TENM2: variants seen among roughly 807,000 people sequenced by gnomAD.
The protein encoded by TENM2 is teneurin transmembrane protein 2, also known as teneurin-2.
Under a neutral mutation model 245.2 loss-of-function variants are expected in TENM2, and 52 were observed. The ratio of observed to expected loss-of-function variants is 0.21; its 90% CI spans 0.17 to 0.27. The LOEUF is 0.27. TENM2 is among the 10% of genes least tolerant of loss of function. The pLI, the probability that TENM2 is intolerant of heterozygous loss-of-function variation, is 1.00. For missense variants in TENM2, 3,046 were observed against 3,666.8 expected, an observed-to-expected ratio of 0.83 and a Z score of 4.37; for synonymous variants, 1,363 against 1,438.9, an observed-to-expected ratio of 0.95 and a Z score of 1.19.
chr5:167,916,773 C>A (rs1776982001), intron 3 of TENM2, among the ~76,000 whole-genome samples: 1 of 152,186 alleles, frequency 6.6e-6, no homozygotes, highest in South Asian at 2.1e-4. Context: ...TGGGAGGCCT[C>A]ACTTATTCTC....
intron 13 of TENM2, among the ~76,000 whole-genome samples, chr5:168,163,942 G>A (rs143631051): frequency 2.3e-4 from 35 of 152,254 alleles, no homozygotes; most frequent in African/African-American, 7.7e-4. Context: ...TCCAGCTAAG[G>A]TGTGGAGGTC....
chr5:167,024,944 C>A, the TENM2 span, among the ~76,000 whole-genome samples: 1 of 152,170 alleles, frequency 6.6e-6, no homozygotes, highest in East Asian at 1.9e-4. Context: ...TTTCTCACTA[C>A]ACATTAGAGT....
intron 2 of TENM2, among the ~76,000 whole-genome samples, chr5:167,850,803 G>A (rs1332394111): frequency 2.0e-5 from 3 of 152,138 alleles, no homozygotes; most frequent in Non-Finnish European, 4.4e-5. Flanking sequence ...AGTATCCAAG[G>A]GCTGGCTTCA....
intron 2 of TENM2, among the ~76,000 whole-genome samples, chr5:167,434,705 T>C (rs76584367): frequency 0.012 from 1,769 of 152,198 alleles, 35 homozygotes; most frequent in East Asian, 0.1. Context: ...ATGAAAACTT[T>C]AGAAGTATAT....
chr5:167,603,727 T>C (rs1193353469), intron 2 of TENM2, among the ~76,000 whole-genome samples: 3 of 152,074 alleles, frequency 2.0e-5, no homozygotes, highest in Admixed American at 1.3e-4. Flanking sequence ...TAGAATCAGT[T>C]TGAGGAATAG....
At chr5:167,454,452 CTG>C (rs5873036) in intron 2 of TENM2, among the ~76,000 whole-genome samples, 34,758 of 150,486 alleles carry the variant, frequency 0.23, 4,405 homozygotes, top group East Asian at 0.35. Flanking sequence ...CTAGAAATAA[CTG>C]TGTGTGTGTG....
intron 13 of TENM2, among the ~76,000 whole-genome samples, chr5:168,175,375 A>G (rs1015836730): frequency 6.6e-6 from 1 of 152,208 alleles, no homozygotes. Flanking sequence ...GGTCCCTGTT[A>G]TAATACATTT....
chr5:167,403,503 A>G (rs1255166111), intron 2 of TENM2, among the ~76,000 whole-genome samples: 1 of 152,120 alleles, frequency 6.6e-6, no homozygotes, highest in African/African-American at 2.4e-5. Context: ...TAGTTTTGTC[A>G]ATGCTTCGCA....
intron 13 of TENM2, among the ~76,000 whole-genome samples, chr5:168,166,949 AC>A (rs1481610091): frequency 6.6e-6 from 1 of 151,940 alleles, no homozygotes; most frequent in African/African-American, 2.4e-5. Context: ...TGTGACCGCC[AC>A]TCATGTAACC....
chr5:167,968,359 G>T (rs972561577), intron 4 of TENM2, among the ~76,000 whole-genome samples: 5 of 152,022 alleles, frequency 3.3e-5, no homozygotes, highest in African/African-American at 1.2e-4. Flanking sequence ...TAACTGTTTA[G>T]GAGTGAGGAA....
chr5:167,765,881 C>A (rs1762986568), intron 2 of TENM2, among the ~76,000 whole-genome samples: 1 of 152,144 alleles, frequency 6.6e-6, no homozygotes, highest in South Asian at 2.1e-4. Flanking sequence ...CTACATTTTT[C>A]TGTAAATCGC....
At chr5:167,848,367 G>A (rs894390005) in intron 2 of TENM2, among the ~76,000 whole-genome samples, 1 of 152,146 alleles carries the variant, frequency 6.6e-6, no homozygotes, top group African/African-American at 2.4e-5. Context: ...GTAAAGTGGA[G>A]AGTGCATATG....
intron 11 of TENM2, among the ~76,000 whole-genome samples, chr5:168,125,440 C>T (rs1402622207): frequency 4.6e-5 from 7 of 152,176 alleles, no homozygotes; most frequent in Admixed American, 3.9e-4. Context: ...ACATGTTCTA[C>T]AGCTCTGTAA....
At chr5:168,201,236 T>C (rs1761910911) in intron 17 of TENM2, among the ~76,000 whole-genome samples, 2 of 152,056 alleles carry the variant, frequency 1.3e-5, no homozygotes, top group African/African-American at 4.8e-5. Flanking sequence ...GAGTAACTAG[T>C]GTATTTAATA....
At chr5:167,785,425 C>T (rs1253472211) in intron 2 of TENM2, among the ~76,000 whole-genome samples, 1 of 152,124 alleles carries the variant, frequency 6.6e-6, no homozygotes, top group Non-Finnish European at 1.5e-5. Flanking sequence ...TCCAAGGCTC[C>T]CTGGATTCAG....
At chr5:167,520,365 A>G (rs1232551443) in intron 2 of TENM2, among the ~76,000 whole-genome samples, 5 of 152,150 alleles carry the variant, frequency 3.3e-5, no homozygotes, top group African/African-American at 4.8e-5. Context: ...ATCAAACCTG[A>G]CAAATGGTGT....
At chr5:167,270,232 A>T in the TENM2 span, among the ~76,000 whole-genome samples, 36 of 152,194 alleles carry the variant, frequency 2.4e-4, no homozygotes, top group African/African-American at 8.4e-4. Flanking sequence ...TCAGAAATAC[A>T]GCAACCTAAC....
chr5:168,074,800 G>A (rs577555412), intron 7 of TENM2, among the ~76,000 whole-genome samples: 4 of 152,162 alleles, frequency 2.6e-5, no homozygotes, highest in South Asian at 2.1e-4. Context: ...TCCCCCTGAC[G>A]TTTTTACTCC....
At chr5:167,765,069 C>A (rs1443841331) in intron 2 of TENM2, among the ~76,000 whole-genome samples, 1 of 152,142 alleles carries the variant, frequency 6.6e-6, no homozygotes, top group Non-Finnish European at 1.5e-5. Flanking sequence ...GGCGAGAGGC[C>A]TTATTGCATT....
Sources: gnomAD v4.1 joint callset for allele counts (sites outside exome capture counted in the v4.1 genomes callset) on GRCh38, gnomAD v4.1.1 for gene constraint, MANE v1.5 for transcripts, NCBI Gene and HGNC (gene_info 2026-07-23, HGNC 2026-07-21) for gene names.